The following KANSL1L variants were observed in gnomAD, a reference collection of about 807,000 sequenced individuals.
KANSL1L encodes KAT8 regulatory NSL complex subunit 1-like protein.
A neutral mutation model predicts 108.6 loss-of-function variants in KANSL1L; 25 were observed. The ratio of observed to expected loss-of-function variants is 0.23; its 90% CI spans 0.17 to 0.32. The LOEUF (loss-of-function observed/expected upper bound fraction) is 0.32, where lower values mean the gene tolerates loss of function less well. KANSL1L is among the 10% of genes least tolerant of loss of function. The pLI is 1.00. For missense variants in KANSL1L, 1,137 were observed against 1,125.7 expected, an observed-to-expected ratio of 1.01 and a Z score of -0.14; for synonymous variants, 405 against 395.1, an observed-to-expected ratio of 1.03 and a Z score of -0.30.
intron 1 of KANSL1L, among the ~76,000 whole-genome samples, chr2:210,169,066 T>A (rs1688169894): frequency 6.6e-6 from 1 of 152,070 alleles, no homozygotes; most frequent in Admixed American, 6.5e-5. Context: ...AACAAAGACA[T>A]AATGGGAGGC....
chr2:210,116,511 G>A (rs540700395), intron 3 of KANSL1L, among the ~76,000 whole-genome samples: 45 of 152,208 alleles, frequency 3.0e-4, no homozygotes, highest in African/African-American at 1.0e-3. Context: ...CTTGTGTCAC[G>A]CCTCTCCTAG....
rs776222162 is a variant in KANSL1L, at chr2:210,025,195, C to G, written c.2473G>C (p.Val825Leu). 2.4e-5 allele frequency: 39 copies of G among 1,595,724 alleles called. No individual in the cohort carries two copies. The highest frequency in any genetic ancestry group is 1.7e-4 in the Middle Eastern group (1 of 6,042). The change falls in exon 13 of 15, where the codon GTC becomes CTC. Residue 825 changes from valine (V) to leucine (L), a missense_variant. Physicochemically the swap from Val to Leu is conservative, Grantham distance 32. Coordinates refer to ENST00000281772, the MANE Select transcript of KANSL1L (RefSeq NM_152519.4). ...TATTTTTTGTGCCTTAGGGAGAAGA[C>G]TTCATCAGAAAGATCTTCTATCTGG... ...KEEIEDLSDEVFSLRHKKYEE... is the reference protein window; with the variant it reads ...KEEIEDLSDELFSLRHKKYEE...
Position 210,022,478 on chromosome 2 carries a change from G to GGT in KANSL1L, c.*469_*470dup, listed in dbSNP as rs149558434. ...GCCAGTGTTTTAAAAACTACATAGG[G>GGT]GTGTGTGTGTGTGTGTATGTTTATT... On this transcript the variant is annotated 3_prime_UTR_variant, in exon 15 of 15. Coordinates refer to ENST00000281772, the MANE Select transcript of KANSL1L (RefSeq NM_152519.4). 0.032 allele frequency: 5,107 copies of GGT among 157,402 alleles called. 200 individuals are homozygous for GGT. Among genetic ancestry groups the GGT allele is most frequent in the African/African-American group, 0.099 (4,083 of 41,114 alleles). The allele number at this position is 157,402 out of a possible 1,614,324, so 9.8% of individuals were successfully genotyped here.
chr2:210,158,725 A>G (rs2095346690), intron 1 of KANSL1L, among the ~76,000 whole-genome samples: 1 of 151,968 alleles, frequency 6.6e-6, no homozygotes, highest in Non-Finnish European at 1.5e-5. Context: ...AACCTAGCCT[A>G]AGTAAGTCTC....
Position 210,154,218 on chromosome 2 carries a change from C to G in KANSL1L, c.365G>C (p.Ser122Thr). 6.2e-7 allele frequency: 1 copy of G among 1,614,088 alleles called. No homozygotes were observed. The highest frequency in any genetic ancestry group is 8.5e-7 in the Non-Finnish European group (1 of 1,180,004). ...ILYNGSNIQL[S>T]KICLSHSEEF... ...TTCAGAATGAGAAAGACAGATTTTA[C>G]TGAGCTGAATGTTGCTGCCATTATA... The change falls in exon 2 of 15, where the codon AGT becomes ACT. Residue 122 changes from serine to threonine, a missense_variant. This residue lies in a region of KANSL1L where 556 missense variants were observed against 537.7 expected (regional missense o/e 1.03). Coordinates refer to ENST00000281772, the MANE Select transcript of KANSL1L (RefSeq NM_152519.4).
chr2:210,074,956 A>T (rs1023545344), intron 6 of KANSL1L, among the ~76,000 whole-genome samples: 1 of 152,198 alleles, frequency 6.6e-6, no homozygotes, highest in Non-Finnish European at 1.5e-5. Context: ...CACTAAAGGA[A>T]GTATACCCAT....
At chr2:210,043,908 G>T in intron 7 of KANSL1L, 31 bp downstream of exon 7, 4 of 1,422,370 alleles carry the variant, frequency 2.8e-6, no homozygotes, top group South Asian at 1.4e-5. Context: ...AGAAAATATC[G>T]TTACTTAGAA....
At chr2:210,136,791 GA>G (rs2095177754) in intron 2 of KANSL1L, among the ~76,000 whole-genome samples, 2 of 152,032 alleles carry the variant, frequency 1.3e-5, no homozygotes, top group South Asian at 2.1e-4. Flanking sequence ...AAAGAAATAG[GA>G]TAAAAATTAA....
At chr2:210,050,490 C>T (rs566480644) in intron 6 of KANSL1L, among the ~76,000 whole-genome samples, 18 of 152,150 alleles carry the variant, frequency 1.2e-4, no homozygotes, top group South Asian at 4.1e-4. Context: ...AAGCACTAGT[C>T]GTTAGATTGC....
At chr2:210,109,081 C>T (rs1470785915) in intron 3 of KANSL1L, among the ~76,000 whole-genome samples, 1 of 152,096 alleles carries the variant, frequency 6.6e-6, no homozygotes, top group Non-Finnish European at 1.5e-5. Flanking sequence ...CAAAGTCATA[C>T]TGAGATGTCA....
intron 3 of KANSL1L, among the ~76,000 whole-genome samples, chr2:210,106,065 T>A (rs907215693): frequency 1.3e-5 from 2 of 152,188 alleles, no homozygotes; most frequent in African/African-American, 4.8e-5. Flanking sequence ...CCATTTGATA[T>A]AGCCAGTGTT....
chr2:210,082,562 C>T (rs144799394), intron 5 of KANSL1L, among the ~76,000 whole-genome samples: 3 of 152,254 alleles, frequency 2.0e-5, no homozygotes, highest in Admixed American at 6.5e-5. Flanking sequence ...GAAAAATAGA[C>T]GAATACCAGC....
chr2:210,056,354 A>G (rs1405746735), intron 6 of KANSL1L, among the ~76,000 whole-genome samples: 1 of 152,218 alleles, frequency 6.6e-6, no homozygotes, highest in Non-Finnish European at 1.5e-5. Context: ...TTTCAAAAGT[A>G]ATACTTTTAT....
intron 2 of KANSL1L, among the ~76,000 whole-genome samples, chr2:210,150,423 C>G (rs1428515070): frequency 6.6e-6 from 1 of 152,018 alleles, no homozygotes; most frequent in South Asian, 2.1e-4. Context: ...TCACTAAATT[C>G]AAGAAATAAA....
At chr2:210,147,418 A>T (rs1056930893) in intron 2 of KANSL1L, among the ~76,000 whole-genome samples, 1 of 152,180 alleles carries the variant, frequency 6.6e-6, no homozygotes, top group Non-Finnish European at 1.5e-5. Context: ...ATGCCACTGT[A>T]CTCCAGCCTG....
intron 12 of KANSL1L, among the ~76,000 whole-genome samples, chr2:210,025,590 T>C (rs2093925458): frequency 6.6e-6 from 1 of 152,218 alleles, no homozygotes; most frequent in Non-Finnish European, 1.5e-5. Context: ...TCAAAGAGTT[T>C]CTCATGTAGA....
intron 3 of KANSL1L, among the ~76,000 whole-genome samples, chr2:210,109,209 G>C (rs937185336): frequency 1.3e-5 from 2 of 151,904 alleles, no homozygotes; most frequent in Non-Finnish European, 2.9e-5. Flanking sequence ...AAAAAAACAG[G>C]TATTACCGAA....
intron 5 of KANSL1L, among the ~76,000 whole-genome samples, chr2:210,079,139 T>G (rs2094562974): frequency 6.6e-6 from 1 of 152,076 alleles, no homozygotes; most frequent in Admixed American, 6.6e-5. Flanking sequence ...TAAAAAATTT[T>G]TTTAAAGTCA....
chr2:210,062,660 C>T (rs948920962), intron 6 of KANSL1L, among the ~76,000 whole-genome samples: 3 of 152,112 alleles, frequency 2.0e-5, no homozygotes, highest in African/African-American at 7.2e-5. Flanking sequence ...CATTATGTTT[C>T]AGCAAAGAGA....
Sources: allele counts gnomAD v4.1 joint callset (sites outside exome capture counted in the v4.1 genomes callset), GRCh38; gene constraint gnomAD v4.1.1; regional missense constraint gnomAD v4.1.1; transcripts MANE v1.5; gene names NCBI Gene and HGNC (gene_info 2026-07-23, HGNC 2026-07-21).